TSC2: variants seen among roughly 807,000 people sequenced by gnomAD.
TSC2 encodes the protein tuberin.
TSC2 carries 29 observed loss-of-function variants against 202.2 expected under a neutral mutation model. The observed-to-expected ratio is 0.14, with a 90% CI of 0.11 to 0.20. TSC2 has a LOEUF of 0.20. Ranked by LOEUF, TSC2 falls within the 10% of genes least tolerant of loss-of-function variation. The probability of loss-of-function intolerance (pLI) is 1.00; values close to 1 mark genes in which losing one functional copy is unlikely to be tolerated. For synonymous variants in TSC2, 1,349 were observed against 1,044.0 expected, an observed-to-expected ratio of 1.29 and a Z score of -5.63; for missense variants, 2,429 against 2,420.0, an observed-to-expected ratio of 1.00 and a Z score of -0.08.
In TSC2 at chr16:2,056,685, C is replaced by T. The variant is rs2151078845; in HGVS notation, c.690C>T (p.Cys230=). The T allele has an allele frequency of 6.2e-7, 1 of 1,612,542 alleles. No homozygotes were observed. The highest frequency in any genetic ancestry group is 8.5e-7 in the Non-Finnish European group (1 of 1,180,032). The change falls in exon 8 of 42, where the codon TGC becomes TGT. Residue 230 remains cysteine (C), a synonymous_variant. Transcript: ENST00000219476. The stretch of plus-strand genomic sequence containing the variant: ...TGGACGCCGTGGTCTGCTACAACTG[C>T]CTGCCGGCTGAGAGCCTCCCGCTGT... ...QVLDAVVCYN[C]LPAESLPLFI...
At chr16:2,077,280 C>T (rs2089525699) in intron 25 of TSC2, 2 of 397,492 alleles carry the variant, frequency 5.0e-6, no homozygotes, top group Non-Finnish European at 9.6e-6. Flanking sequence ...ATTGCCTGGC[C>T]AGCACAGCCT....
Position 2,058,754 on chromosome 16 carries a change from A to C in TSC2, c.856A>C (p.Met286Leu). 6.3e-7 allele frequency: 1 copy of C among 1,582,982 alleles called. No individual in the cohort carries two copies. The highest frequency in any genetic ancestry group is 8.6e-7 in the Non-Finnish European group (1 of 1,164,130). Residue 286 changes from methionine to leucine, a missense_variant, in exon 10 of 42, where the codon ATG (methionine) becomes CTG (leucine). By Grantham distance (15) the Met-to-Leu change is conservative. Transcript: ENST00000219476. ...TCTGGGGAACACTTTTAGAGCCTACATGGAGGACGCGCCCCTGCTGAGAGG... is the reference window on the plus strand; with the variant it reads ...TCTGGGGAACACTTTTAGAGCCTACCTGGAGGACGCGCCCCTGCTGAGAGG... ...MCHLMEDRAY[M>L]EDAPLLRGAV...
chr16:2,065,249 T>C (rs2087166934), intron 15 of TSC2: 1 of 415,666 alleles, frequency 2.4e-6, no homozygotes, highest in African/African-American at 2.1e-5. Flanking sequence ...CCATCTCTAC[T>C]AAAAATACAA....
intron 7 of TSC2, 44 bp downstream of exon 7, chr16:2,056,288 T>G: frequency 1.2e-6 from 2 of 1,612,786 alleles, no homozygotes. Context: ...TCACCCTGGT[T>G]TCTGGGAGGC....
At position 2,062,986 on chromosome 16, in the gene TSC2, G is replaced by A. The variant is rs886051788; in HGVS notation, c.1376G>A (p.Gly459Asp). The A allele has an allele frequency of 3.2e-6, 5 of 1,550,980 alleles. No homozygotes were observed. The highest frequency in any genetic ancestry group is 4.4e-6 in the Non-Finnish European group (5 of 1,146,864). ...CCGTCCCGCAGGAGCGAGTCCCGAG[G>A]CGCCGTGCGCATCAAGGTGCTGGAC... ...MERFFRSESR[G>D]AVRIKVLDVL... The change falls in exon 14 of 42, where the codon GGC becomes GAC. Residue 459 changes from glycine (G) to aspartate (D), a missense_variant. Transcript: ENST00000219476.
At chr16:2,061,066 C>T in intron 11 of TSC2, 1 of 534,146 alleles carries the variant, frequency 1.9e-6, no homozygotes. Flanking sequence ...CCAGTGCTGT[C>T]CACAGTCCGC....
chr16:2,056,767 A>C lies in TSC2; in HGVS notation c.772A>C (p.Lys258Gln). Reference protein sequence around the residue: ...NVKELCEPCWKLMRNLLGTHL... With the variant: ...NVKELCEPCWQLMRNLLGTHL... ...CAAGGAGCTCTGCGAGCCTTGCTGG[A>C]AGGTGGGGTTTCTGAAACTGCTCTG... The change falls in exon 8 of 42, where the codon AAG (lysine) becomes CAG (glutamine). Residue 258 changes from lysine to glutamine, a missense_variant and splice_region_variant. Physicochemically the swap from Lys to Gln is moderately conservative, Grantham distance 53. Coordinates refer to ENST00000219476, the MANE Select transcript of TSC2 (RefSeq NM_000548.5). 6.2e-7 allele frequency: 1 copy of C among 1,608,182 alleles called. No homozygotes were observed.
At chr16:2,080,754 G>C (rs912959798) in intron 30 of TSC2, 2 of 263,984 alleles carry the variant, frequency 7.6e-6, no homozygotes, top group East Asian at 1.9e-4. Context: ...AAAGTGCTGG[G>C]ATTACAGGCG....
Position 2,079,709 on chromosome 16 carries a change from G to T in TSC2, c.3397+40G>T, listed in dbSNP as rs374449775. 4 of 1,539,330 alleles carry T rather than the reference G, an allele frequency of 2.6e-6. No individual in the cohort carries two copies. The highest frequency in any genetic ancestry group is 3.5e-6 in the Non-Finnish European group (4 of 1,140,958). On this transcript the variant is annotated intron_variant, in intron 29 of 41. Transcript: ENST00000219476. The surrounding 1 kb of genome is among the most constrained non-coding windows in gnomAD (Gnocchi z 4.6). The stretch of plus-strand genomic sequence containing the variant: ...CAGCCACCTCCACACAGGCACCGGG[G>T]CTCCCTCAGTTGCTGCTGGTCCCAG...
Position 2,080,552 on chromosome 16 carries a change from C to T in TSC2, c.3610+175C>T, listed in dbSNP as rs560643585. ...ACGCTGGAACGCAGTGGCGCAATCT[C>T]GGCTCACTGCAAGCTCCACCTCCCG... On this transcript the variant is annotated intron_variant, in intron 30 of 41. Coordinates refer to ENST00000219476, the MANE Select transcript of TSC2 (RefSeq NM_000548.5). The T allele has an allele frequency of 3.8e-5, 27 of 718,104 alleles. No homozygotes were observed. In the East Asian group the frequency reaches 4.4e-4, roughly 12 times the overall value. The allele number at this position is 718,104 out of a possible 1,614,324, so 44.5% of individuals were successfully genotyped here.
At chr16:2,055,993 C>T (rs539961008) in intron 6 of TSC2, 86 of 667,946 alleles carry the variant, frequency 1.3e-4, no homozygotes, top group Middle Eastern at 5.7e-4. Flanking sequence ...GTTGCATGAG[C>T]TCTGTCTCAC....
chr16:2,087,091 A>C, intron 38 of TSC2: 1 of 675,642 alleles, frequency 1.5e-6, no homozygotes, highest in Non-Finnish European at 2.5e-6. Flanking sequence ...TGTCAGGAGT[A>C]ACTGGCAAGT....
In TSC2 at chr16:2,063,151, C is replaced by T. The variant is rs764694584; in HGVS notation, c.1443+98C>T. 4 of 1,416,196 alleles carry T rather than the reference C, an allele frequency of 2.8e-6. No individual in the cohort carries two copies. In the South Asian group the frequency reaches 3.7e-5, roughly 13 times the overall value. The allele number at this position is 1,416,196 out of a possible 1,614,324, so 87.7% of individuals were successfully genotyped here. On this transcript the variant is annotated intron_variant, in intron 14 of 41. Coordinates refer to ENST00000219476, the MANE Select transcript of TSC2 (RefSeq NM_000548.5). ...GTGCTCCCGCAGAGCCGGGCTCTGC[C>T]TGGGACTTCGGTCCTGCCGGACCCT...
rs1296271407 is a variant in TSC2 at position 2,065,538 on chromosome 16, C to T, written c.1619C>T (p.Ser540Phe). The stretch of plus-strand genomic sequence containing the variant: ...TCAAAGGTGATGGCCCGCTCCCTCT[C>T]CCCACCCCCGGAGCTGGAAGAAAGG... ...IIEKVMARSLSPPPELEERDV... is the reference protein window; with the variant it reads ...IIEKVMARSLFPPPELEERDV... The change falls in exon 16 of 42, where the codon TCC becomes TTC. Residue 540 changes from serine to phenylalanine, a missense_variant. Physicochemically the swap from Ser to Phe is radical, Grantham distance 155. Coordinates refer to ENST00000219476, the MANE Select transcript of TSC2 (RefSeq NM_000548.5). 3 of 1,613,752 alleles carry T rather than the reference C, an allele frequency of 1.9e-6. No homozygotes were observed. The highest frequency in any genetic ancestry group is 1.1e-5 in the South Asian group (1 of 91,086).
chr16:2,058,658 C>T, intron 9 of TSC2, 89 bp from the exon 10 acceptor site: 1 of 1,535,590 alleles, frequency 6.5e-7, no homozygotes, highest in Non-Finnish European at 8.7e-7. Flanking sequence ...TCTGGGGCTG[C>T]TGCAGGAGCC....
At chr16:2,073,044 A>T in intron 21 of TSC2, 61 bp downstream of exon 21, 1 of 1,610,356 alleles carries the variant, frequency 6.2e-7, no homozygotes. Flanking sequence ...GGCCTGGCCC[A>T]GGTAGGCCCC....
chr16:2,071,684 T>C, intron 18 of TSC2, 68 bp downstream of exon 18: 3 of 1,603,866 alleles, frequency 1.9e-6, no homozygotes, highest in Non-Finnish European at 2.6e-6. Context: ...GTGGTGGCGC[T>C]GTTTGCATGT....
intron 20 of TSC2, 178 bp downstream of exon 20, chr16:2,072,541 A>G (rs2088622945): frequency 2.0e-6 from 2 of 1,013,306 alleles, no homozygotes; most frequent in African/African-American, 3.2e-5. Flanking sequence ...CCCCTGCCCC[A>G]GCTCGCAGCT....
At position 2,050,457 on chromosome 16, in the gene TSC2, G is replaced by A. The variant is rs45517094; in HGVS notation, c.196G>A (p.Glu66Lys). The change falls in exon 3 of 42, where the codon GAA becomes AAA. Residue 66 changes from glutamate to lysine, a missense_variant. Transcript: ENST00000219476. The stretch of plus-strand genomic sequence containing the variant: ...CATCCGGATGATAGGGCAGATTTGT[G>A]AAGTCGCAAAAACCAAGAAATTTGA... ...NRIRMIGQICEVAKTKKFEEH... is the reference protein window; with the variant it reads ...NRIRMIGQICKVAKTKKFEEH... 1 of 1,613,992 alleles carries A rather than the reference G, an allele frequency of 6.2e-7. No individual in the cohort carries two copies. The highest frequency in any genetic ancestry group is 8.5e-7 in the Non-Finnish European group (1 of 1,179,970).
Sources: gnomAD v4.1 joint callset for allele counts on GRCh38, gnomAD v4.1.1 for gene constraint, Gnocchi (gnomAD v3.1) non-coding constraint, MANE v1.5 for transcripts, NCBI Gene and HGNC (gene_info 2026-07-23, HGNC 2026-07-21) for gene names.